Variants in ADAMTS6 observed in about 807,000 individuals in gnomAD.
ADAMTS6 encodes the protein A disintegrin and metalloproteinase with thrombospondin motifs 6.
In ADAMTS6, 23 loss-of-function variants were observed where a neutral mutation model predicts 144.3. That is an observed-to-expected ratio of 0.16 (90% CI 0.11 to 0.23). The LOEUF (loss-of-function observed/expected upper bound fraction) is 0.23, where lower values mean the gene tolerates loss of function less well. Ranked by LOEUF, ADAMTS6 falls within the 10% of genes least tolerant of loss-of-function variation. The pLI is 1.00. For synonymous variants in ADAMTS6, 444 were observed against 457.5 expected (o/e 0.97, Z 0.38); for missense variants, 999 against 1,379.6 (o/e 0.72, Z 4.37).
At chr5:65,339,928 G>T (rs1240512690) in intron 7 of ADAMTS6, among the ~76,000 whole-genome samples, 1 of 152,018 alleles carries the variant, frequency 6.6e-6, no homozygotes, top group Non-Finnish European at 1.5e-5. Flanking sequence ...AAGGAAAAAA[G>T]TGAGGAAACC....
In ADAMTS6 at chr5:65,451,607, A is replaced by G. The variant is rs900490840; in HGVS notation, c.941T>C (p.Ile314Thr). The change falls in exon 7 of 25, where the codon ATA becomes ACA. Residue 314 changes from isoleucine (I) to threonine (T), a missense_variant. Ile to Thr is a moderately conservative substitution (Grantham distance 89). Around this residue, in one of 3 missense-constraint regions of ADAMTS6, gnomAD observed 128 missense variants for 249.0 expected, o/e 0.51. Transcript: ENST00000381055. Reference protein sequence around the residue: ...VLTEDQPNLEINHHADKSLDS... With the variant: ...VLTEDQPNLETNHHADKSLDS... ...GAGGGACTTGTCTGCATGGTGGTTT[A>G]TCTCCAAGTTTGGCTGCAATACAAC... is the stretch of plus-strand genomic sequence containing the variant. 6.2e-7 allele frequency: 1 copy of G among 1,612,716 alleles called. No individual in the cohort carries two copies.
chr5:65,241,975 G>T, intron 15 of ADAMTS6, 129 bp downstream of exon 15: 1 of 511,078 alleles, frequency 2.0e-6, no homozygotes, highest in Non-Finnish European at 3.2e-6. Context: ...GCATTTCCCT[G>T]CTTTTGTTGG....
intron 7 of ADAMTS6, among the ~76,000 whole-genome samples, chr5:65,341,747 G>T (rs978888403): frequency 1.3e-5 from 2 of 152,114 alleles, no homozygotes; most frequent in African/African-American, 4.8e-5. Context: ...CTTCACCACT[G>T]ATTTCTAACA....
rs1036154187 is a variant in ADAMTS6 at position 65,429,309 on chromosome 5, G to A, written c.1073+22166C>T. Reference sequence around the variant, plus strand: ...GATCACTCCCCTTTTGTCCAATCACGTTTCTCCACAATTATCTGCTTCTTC... The same window carrying A: ...GATCACTCCCCTTTTGTCCAATCACATTTCTCCACAATTATCTGCTTCTTC... On this transcript the variant is annotated intron_variant, in intron 7 of 24. Coordinates refer to ENST00000381055, the MANE Select transcript of ADAMTS6 (RefSeq NM_197941.4). Among the ~76,000 whole-genome samples the A allele has an allele frequency of 5.3e-5, 8 of 152,160 alleles. No homozygotes were observed. The East Asian group carries it at 9.7e-4, about 18-fold the overall frequency.
At chr5:65,237,825 G>A (rs142728392) in intron 15 of ADAMTS6, among the ~76,000 whole-genome samples, 2 of 152,128 alleles carry the variant, frequency 1.3e-5, no homozygotes, top group African/African-American at 2.4e-5. Flanking sequence ...GTTGGCTCAC[G>A]CCTGTAATCC....
chr5:65,232,519 T>C (rs1758334214), intron 15 of ADAMTS6, among the ~76,000 whole-genome samples: 1 of 151,490 alleles, frequency 6.6e-6, no homozygotes, highest in African/African-American at 2.4e-5. Flanking sequence ...AGAGGAGACA[T>C]TACAACAGAC....
At chr5:65,367,276 T>G (rs909794884) in intron 7 of ADAMTS6, among the ~76,000 whole-genome samples, 4 of 152,176 alleles carry the variant, frequency 2.6e-5, no homozygotes, top group African/African-American at 9.6e-5. Flanking sequence ...GCTTCCATAT[T>G]AATCTTAAAA....
At chr5:65,290,094 G>T (rs961975689) in intron 11 of ADAMTS6, among the ~76,000 whole-genome samples, 17 of 151,990 alleles carry the variant, frequency 1.1e-4, no homozygotes, top group African/African-American at 3.9e-4. Context: ...AGCCTAACAA[G>T]AATAATAATA....
In ADAMTS6 at chr5:65,334,104, T is replaced by C. The variant is rs765700229; in HGVS notation, c.1074-19A>G. On this transcript the variant is annotated intron_variant, in intron 7 of 24. Transcript: ENST00000381055. ...ATCATATCTATGGAGAAAACAGAGATGAAATTTGTAATCTGATCAGATTTG... is the reference window on the plus strand; with the variant it reads ...ATCATATCTATGGAGAAAACAGAGACGAAATTTGTAATCTGATCAGATTTG... 1.3e-5 allele frequency: 20 copies of C among 1,520,450 alleles called. No homozygotes were observed. In the Admixed American group the frequency reaches 1.7e-4, roughly 13 times the overall value. The allele number at this position is 1,520,450 out of a possible 1,614,324, so 94.2% of individuals were successfully genotyped here. A position where few individuals can be genotyped will look rare whatever the true frequency, so the allele number is the denominator to read the frequency against.
At chr5:65,324,111 T>A (rs991808740) in intron 9 of ADAMTS6, among the ~76,000 whole-genome samples, 1 of 152,216 alleles carries the variant, frequency 6.6e-6, no homozygotes, top group African/African-American at 2.4e-5. Context: ...GTGCAGAAGC[T>A]CTTTAGTTTA....
At chr5:65,369,611 A>G (rs1450689321) in intron 7 of ADAMTS6, among the ~76,000 whole-genome samples, 1 of 152,116 alleles carries the variant, frequency 6.6e-6, no homozygotes, top group African/African-American at 2.4e-5. Flanking sequence ...TTCACAGAAA[A>G]CAACTAATAA....
rs1258661207 is a variant in ADAMTS6 at position 65,460,030 on chromosome 5, T to C, written c.631+140A>G. The C allele has an allele frequency of 4.0e-6, 3 of 759,156 alleles. No individual in the cohort carries two copies. The East Asian group carries it at 9.8e-5, about 25-fold the overall frequency. 47.0% of individuals were successfully genotyped at this position (759,156 alleles called of 1,614,324 possible). ...GATTTAAAACTACTGGTAGGTGACA[T>C]CTATTAAAAGGGCTCTGGACATTAT... On this transcript the variant is annotated intron_variant, in intron 4 of 24. Transcript: ENST00000381055.
At chr5:65,300,834 T>C (rs571002578) in intron 9 of ADAMTS6, among the ~76,000 whole-genome samples, 15 of 152,192 alleles carry the variant, frequency 9.9e-5, no homozygotes, top group Admixed American at 4.6e-4. Flanking sequence ...GGTTTCACCA[T>C]GTTAGCCAGG....
At chr5:65,234,625 G>A (rs1454428335) in intron 15 of ADAMTS6, among the ~76,000 whole-genome samples, 2 of 152,026 alleles carry the variant, frequency 1.3e-5, no homozygotes, top group African/African-American at 4.8e-5. Context: ...TAAGGATGTG[G>A]AGAAAAGAAA....
Position 65,208,227 on chromosome 5 carries a change from T to A in ADAMTS6, c.2575+6567A>T, listed in dbSNP as rs116327411. On this transcript the variant is annotated intron_variant, in intron 20 of 24. Transcript: ENST00000381055. ...TTAATTTTTTGAAGACTAAAACTTT[T>A]AATCAGTTTCAAAAGCAGTACTTCT... Among the ~76,000 whole-genome samples, 783 of 152,318 alleles carry A rather than the reference T, an allele frequency of 5.1e-3. 5 individuals carry two copies. The highest frequency in any genetic ancestry group is 0.018 in the African/African-American group (746 of 41,564).
At chr5:65,365,863 T>C (rs962876049) in intron 7 of ADAMTS6, among the ~76,000 whole-genome samples, 1 of 152,148 alleles carries the variant, frequency 6.6e-6, no homozygotes, top group African/African-American at 2.4e-5. Flanking sequence ...TGCCTGCCAA[T>C]TGTTTCACTT....
intron 7 of ADAMTS6, among the ~76,000 whole-genome samples, chr5:65,380,146 C>T (rs1472462509): frequency 6.6e-6 from 1 of 151,954 alleles, no homozygotes; most frequent in Admixed American, 6.6e-5. Context: ...ACAGCCATTT[C>T]ACCAGCATAC....
chr5:65,431,631 C>A (rs1201405163), intron 7 of ADAMTS6, among the ~76,000 whole-genome samples: 1 of 152,002 alleles, frequency 6.6e-6, no homozygotes, highest in East Asian at 1.9e-4. Context: ...TATTAATTTC[C>A]CCATGCCAAT....
At position 65,278,039 on chromosome 5, in the gene ADAMTS6, T is replaced by C. The variant is rs371462845; in HGVS notation, c.1513-4592A>G. On this transcript the variant is annotated intron_variant, in intron 11 of 24. Transcript: ENST00000381055. ...TTATATCACTCTGTATGCCTCGGTATACTCATAGCTTAGCTCCCACTTATA... is the reference window on the plus strand; with the variant it reads ...TTATATCACTCTGTATGCCTCGGTACACTCATAGCTTAGCTCCCACTTATA... 2.4e-3 allele frequency among the ~76,000 whole-genome samples: 346 copies of C among 146,734 alleles called. 3 individuals carry two copies. Among genetic ancestry groups the C allele is most frequent in the African/African-American group, 8.2e-3 (328 of 40,068 alleles).
Sources: gnomAD v4.1 joint callset for allele counts (sites outside exome capture counted in the v4.1 genomes callset) on GRCh38, gnomAD v4.1.1 for gene constraint, gnomAD v4.1.1 regional missense constraint, MANE v1.5 for transcripts, NCBI Gene and HGNC (gene_info 2026-07-23, HGNC 2026-07-21) for gene names.